The following CNTNAP2 variants were observed in gnomAD, a reference collection of about 807,000 sequenced individuals.
CNTNAP2 encodes contactin-associated protein-like 2.
In CNTNAP2, 98 loss-of-function variants were observed where a neutral mutation model predicts 155.2. The ratio of observed to expected loss-of-function variants is 0.63; its 90% confidence interval spans 0.54 to 0.75. The LOEUF (loss-of-function observed/expected upper bound fraction) is 0.75. CNTNAP2 is among the 30% of genes least tolerant of loss of function. CNTNAP2 has a pLI of 0.00. For synonymous variants in CNTNAP2, 651 were observed against 631.2 expected (o/e 1.03, Z -0.47); for missense variants, 1,727 against 1,688.1 (o/e 1.02, Z -0.40).
intron 1 of CNTNAP2, among the ~76,000 whole-genome samples, chr7:146,235,105 C>A (rs1799449928): frequency 6.6e-6 from 1 of 151,690 alleles, no homozygotes; most frequent in Non-Finnish European, 1.5e-5. Flanking sequence ...TACTGAGACA[C>A]AATGAAATGG....
At chr7:147,688,403 C>T (rs528279895) in intron 13 of CNTNAP2, among the ~76,000 whole-genome samples, 9 of 152,292 alleles carry the variant, frequency 5.9e-5, no homozygotes, top group African/African-American at 2.2e-4. Context: ...AGCATGCATG[C>T]TAACTTCACA....
chr7:147,157,482 T>C lies in CNTNAP2; in HGVS notation c.1348+24973T>C, dbSNP rs143338455. The stretch of plus-strand genomic sequence containing the variant: ...ACTTTTTCAGAACAATTGTCAAGTT[T>C]CTTTTCATCCACCAGGGTTGAGGTG... On this transcript the variant is annotated intron_variant, in intron 8 of 23. Coordinates refer to ENST00000361727, the MANE Select transcript of CNTNAP2 (RefSeq NM_014141.6). 2.0e-5 allele frequency among the ~76,000 whole-genome samples: 3 copies of C among 152,254 alleles called. No individual in the cohort carries two copies. The East Asian group carries it at 5.8e-4, about 29-fold the overall frequency.
chr7:146,361,349 G>T (rs1795079925), intron 1 of CNTNAP2, among the ~76,000 whole-genome samples: 1 of 152,092 alleles, frequency 6.6e-6, no homozygotes, highest in African/African-American at 2.4e-5. Flanking sequence ...GTGCAGATTT[G>T]GTCATACCTG....
chr7:146,778,645 A>G (rs1472253990), intron 2 of CNTNAP2, among the ~76,000 whole-genome samples: 1 of 152,192 alleles, frequency 6.6e-6, no homozygotes, highest in East Asian at 1.9e-4. Flanking sequence ...AAAGTTTCAA[A>G]CAGCATATCC....
At chr7:147,402,598 G>A (rs770805370) in intron 10 of CNTNAP2, among the ~76,000 whole-genome samples, 15 of 152,246 alleles carry the variant, frequency 9.9e-5, no homozygotes, top group Non-Finnish European at 1.6e-4. Context: ...TAATACCTTC[G>A]TCTGATCTAC....
chr7:148,061,293 ATTAACT>A (rs1007264015), intron 15 of CNTNAP2, among the ~76,000 whole-genome samples: 1 of 152,188 alleles, frequency 6.6e-6, no homozygotes, highest in African/African-American at 2.4e-5. Context: ...TAAAAGAGTG[ATTAACT>A]TTAGACTTTC....
intron 20 of CNTNAP2, among the ~76,000 whole-genome samples, chr7:148,243,588 G>A (rs981035309): frequency 6.6e-6 from 1 of 152,086 alleles, no homozygotes; most frequent in African/African-American, 2.4e-5. Flanking sequence ...GCTTGTGGAG[G>A]GGAATGCCTC....
chr7:146,909,099 C>A (rs1319353106), intron 3 of CNTNAP2, among the ~76,000 whole-genome samples: 1 of 152,042 alleles, frequency 6.6e-6, no homozygotes, highest in Non-Finnish European at 1.5e-5. Context: ...CAAGACTAAA[C>A]CAGGAAGAAG....
At chr7:147,977,428 T>C (rs1312941106) in intron 14 of CNTNAP2, among the ~76,000 whole-genome samples, 1 of 152,186 alleles carries the variant, frequency 6.6e-6, no homozygotes, top group Non-Finnish European at 1.5e-5. Flanking sequence ...TTAACTCATG[T>C]ACAATAGGGA....
chr7:147,144,541 T>C (rs1046871728), intron 8 of CNTNAP2, among the ~76,000 whole-genome samples: 2 of 152,106 alleles, frequency 1.3e-5, no homozygotes, highest in Non-Finnish European at 2.9e-5. Context: ...ACGTTTCTAA[T>C]CTTTTTCTCT....
chr7:146,657,065 T>C (rs752893208), intron 1 of CNTNAP2, among the ~76,000 whole-genome samples: 1 of 152,110 alleles, frequency 6.6e-6, no homozygotes, highest in Non-Finnish European at 1.5e-5. Context: ...TTGTCATCTC[T>C]CTCTCTCTGT....
chr7:148,336,302 G>A (rs779371172), intron 21 of CNTNAP2, among the ~76,000 whole-genome samples: 4 of 152,064 alleles, frequency 2.6e-5, no homozygotes, highest in African/African-American at 4.8e-5. Context: ...AAATGATATA[G>A]TTTTATCTAG....
chr7:146,681,473 A>G, intron 1 of CNTNAP2, among the ~76,000 whole-genome samples: 3 of 58,914 alleles, frequency 5.1e-5, no homozygotes, highest in Non-Finnish European at 6.6e-5. Context: ...GGGAGAGGGT[A>G]GAGGGTGGAA....
At position 148,118,187 on chromosome 7, in the gene CNTNAP2, A is replaced by T; in HGVS notation, c.2453A>T (p.Glu818Val). Residue 818 changes from glutamate (E) to valine (V), a missense_variant, in exon 16 of 24, where the codon GAA (glutamate) becomes GTA (valine). By Grantham distance (121) the Glu-to-Val change is moderately radical. Transcript: ENST00000361727. The part of the protein sequence containing the change: ...SYLHFSTFQG[E>V]TSADISFYFK... Reference sequence around the variant, plus strand: ...CTGCACTTCTCTACTTTCCAAGGGGAAACTAGCGCTGACATTTCTTTCTAC... The same window carrying T: ...CTGCACTTCTCTACTTTCCAAGGGGTAACTAGCGCTGACATTTCTTTCTAC... 2 of 1,614,168 alleles carry T rather than the reference A, an allele frequency of 1.2e-6. No homozygotes were observed. The highest frequency in any genetic ancestry group is 2.2e-5 in the South Asian group (2 of 91,084).
At chr7:147,860,604 G>T (rs536780735) in intron 13 of CNTNAP2, among the ~76,000 whole-genome samples, 2 of 120,058 alleles carry the variant, frequency 1.7e-5, no homozygotes, top group Admixed American at 8.4e-5. Flanking sequence ...AAAAAAAAAA[G>T]TGTTTGGCAG....
Position 147,395,679 on chromosome 7 carries a change from C to A in CNTNAP2, c.1569C>A (p.Leu523=), listed in dbSNP as rs1374907989. 9 of 1,612,476 alleles carry A rather than the reference C, an allele frequency of 5.6e-6. No homozygotes were observed. The highest frequency in any genetic ancestry group is 1.3e-5 in the African/African-American group (1 of 74,836). ...CTTCATTCCAAGGATGCATGCAGCT[C>A]ATTCAAGTGGACGATCAACTTGTAA... is the stretch of plus-strand genomic sequence containing the variant. ...LQPSFQGCMQ[L]IQVDDQLVNL... Residue 523 remains leucine (L), a synonymous_variant, in exon 10 of 24, where the codon CTC becomes CTA. Transcript: ENST00000361727.
At chr7:146,906,326 T>C (rs1040294957) in intron 3 of CNTNAP2, among the ~76,000 whole-genome samples, 1 of 152,208 alleles carries the variant, frequency 6.6e-6, no homozygotes, top group East Asian at 1.9e-4. Flanking sequence ...TGGCTGCCTC[T>C]GTAGGCTCCA....
chr7:147,477,342 A>G (rs1322342259), intron 10 of CNTNAP2, among the ~76,000 whole-genome samples: 1 of 152,226 alleles, frequency 6.6e-6, no homozygotes, highest in Non-Finnish European at 1.5e-5. Flanking sequence ...ACTGGTTTCT[A>G]CACACAGAAT....
chr7:148,395,358 A>G (rs1304338122), intron 22 of CNTNAP2, among the ~76,000 whole-genome samples: 1 of 152,100 alleles, frequency 6.6e-6, no homozygotes, highest in Non-Finnish European at 1.5e-5. Context: ...AACAAATCTT[A>G]AACTCCAGCC....
Sources: gnomAD v4.1 joint callset for allele counts (sites outside exome capture counted in the v4.1 genomes callset) on GRCh38, gnomAD v4.1.1 for gene constraint, MANE v1.5 for transcripts, NCBI Gene and HGNC (gene_info 2026-07-23, HGNC 2026-07-21) for gene names.